Variants in MESP1 observed in about 807,000 individuals in gnomAD.
MESP1 encodes the protein mesoderm posterior bHLH transcription factor 1.
A neutral mutation model predicts 15.2 loss-of-function variants in MESP1; 22 were observed. The ratio of observed to expected loss-of-function variants is 1.45; its 90% CI spans 1.04 to 2.07. The LOEUF is 2.07. MESP1 is among the 30% of genes most tolerant of loss of function. The pLI, the probability that MESP1 is intolerant of heterozygous loss-of-function variation, is 0.00. For missense variants in MESP1, 484 were observed against 411.9 expected, an observed-to-expected ratio of 1.17 and a Z score of -1.51; for synonymous variants, 216 against 192.6, an observed-to-expected ratio of 1.12 and a Z score of -1.01.
chr15:89,736,117 G>A, the MESP1 span, among the ~76,000 whole-genome samples: 2 of 152,242 alleles, frequency 1.3e-5, no homozygotes, highest in Non-Finnish European at 2.9e-5. Flanking sequence ...CTCAAACAGA[G>A]AGGTCAGAGA....
the MESP1 span, chr15:89,733,367 T>C: frequency 1.3e-6 from 1 of 741,470 alleles, no homozygotes; most frequent in Non-Finnish European, 2.1e-6. Flanking sequence ...ATCACCAATG[T>C]CACATATATG....
the MESP1 span, among the ~76,000 whole-genome samples, chr15:89,744,436 G>T: frequency 9.8e-5 from 15 of 152,348 alleles, no homozygotes; most frequent in East Asian, 2.9e-3. Flanking sequence ...AGGTGCTCTG[G>T]CAGCTCTCTG....
chr15:89,739,382 T>C, the MESP1 span, among the ~76,000 whole-genome samples: 5 of 152,208 alleles, frequency 3.3e-5, no homozygotes, highest in Admixed American at 6.5e-5. Context: ...TGCCAACCCA[T>C]GATCTAAGAC....
At chr15:89,736,813 A>ATGC in the MESP1 span, among the ~76,000 whole-genome samples, 1 of 149,226 alleles carries the variant, frequency 6.7e-6, no homozygotes, top group Non-Finnish European at 1.5e-5. Context: ...TTTTTTTGAA[A>ATGC]CGGAGTCTCG....
At chr15:89,747,265 C>T (rs532996611), downstream of MESP1, among the ~76,000 whole-genome samples, 54 of 152,326 alleles carry the variant, frequency 3.5e-4, no homozygotes, top group Non-Finnish European at 5.1e-4. Flanking sequence ...GTTCCCTGTG[C>T]GTCAGCTTCT....
chr15:89,738,260 C>T, the MESP1 span: 5 of 1,558,388 alleles, frequency 3.2e-6, no homozygotes, highest in South Asian at 1.2e-5. Context: ...TGTCTTCACC[C>T]CCTCCCACAT....
At chr15:89,737,494 C>T in the MESP1 span, 2 of 1,564,804 alleles carry the variant, frequency 1.3e-6, no homozygotes, top group Non-Finnish European at 1.7e-6. Flanking sequence ...TCATTCCTTA[C>T]TGGGGTGACC....
At chr15:89,745,656 G>A (rs1007645775), downstream of MESP1, among the ~76,000 whole-genome samples, 23 of 152,064 alleles carry the variant, frequency 1.5e-4, no homozygotes, top group Non-Finnish European at 4.4e-5. This position sits in a 1 kb window ranked among gnomAD's most constrained non-coding sequence, Gnocchi z 4.8. Flanking sequence ...CCAGCTACTC[G>A]GGAAAGCTGA....
At chr15:89,738,842 C>T in the MESP1 span, among the ~76,000 whole-genome samples, 49 of 150,402 alleles carry the variant, frequency 3.3e-4, no homozygotes, top group East Asian at 9.5e-3. Context: ...AGGCCAGGCC[C>T]GGTGGCTCAT....
At chr15:89,733,364 A>G in the MESP1 span, 6 of 743,336 alleles carry the variant, frequency 8.1e-6, no homozygotes, top group Admixed American at 2.9e-5. Context: ...AAGATCACCA[A>G]TGTCACATAT....
chr15:89,750,980 C>T lies in MESP1; in HGVS notation c.252G>A (p.Arg84=), dbSNP rs781718438. The T allele has an allele frequency of 1.4e-6, 2 of 1,414,430 alleles. No homozygotes were observed. Among genetic ancestry groups the T allele is most frequent in the South Asian group, 1.5e-5 (1 of 66,954 alleles). 87.6% of individuals were successfully genotyped at this position (1,414,430 alleles called of 1,614,324 possible). ...ARSSRLGSGQ[R]QSASEREKLR... is the part of the protein sequence containing the mutation. ...GTTTCTCCCGCTCACTGGCGCTCTG[C>T]CTCTGCCCGCTGCCCAGGCGGCTGC... The change falls in exon 1 of 2, where the codon AGG becomes AGA. Residue 84 remains arginine, a synonymous_variant. Coordinates refer to ENST00000300057, the MANE Select transcript of MESP1 (RefSeq NM_018670.4).
chr15:89,737,824 T>C, the MESP1 span: 2 of 1,539,222 alleles, frequency 1.3e-6, no homozygotes, highest in Middle Eastern at 1.8e-4. Flanking sequence ...CTCCCCACTC[T>C]GTGTCCCCCT....
chr15:89,734,525 TA>T, the MESP1 span, among the ~76,000 whole-genome samples: 217 of 152,328 alleles, frequency 1.4e-3, 1 homozygote, highest in African/African-American at 5.0e-3. Flanking sequence ...TTACATTTGC[TA>T]ATGTCCCATT....
the MESP1 span, chr15:89,733,365 T>C: frequency 2.7e-6 from 2 of 745,862 alleles, no homozygotes; most frequent in South Asian, 3.8e-5. Context: ...AGATCACCAA[T>C]GTCACATATA....
chr15:89,739,630 C>T, the MESP1 span, among the ~76,000 whole-genome samples: 8 of 152,160 alleles, frequency 5.3e-5, no homozygotes, highest in African/African-American at 1.7e-4. Context: ...TGGGATCTGA[C>T]CACACATTTC....
At chr15:89,743,179 G>GT in the MESP1 span, 1 of 1,009,300 alleles carries the variant, frequency 9.9e-7, no homozygotes, top group Non-Finnish European at 1.5e-6. Context: ...CGATGCAGGT[G>GT]TGTCCTCTTA....
the MESP1 span, chr15:89,735,491 C>A: frequency 6.2e-7 from 1 of 1,614,080 alleles, no homozygotes; most frequent in South Asian, 1.1e-5. Flanking sequence ...GTCCTATAGG[C>A]CTGTAAAGCA....
the MESP1 span, among the ~76,000 whole-genome samples, chr15:89,739,246 C>T: frequency 1.1e-4 from 16 of 152,160 alleles, no homozygotes; most frequent in African/African-American, 2.7e-4. Context: ...TGAACACAGC[C>T]GTGCCCATTT....
the MESP1 span, among the ~76,000 whole-genome samples, chr15:89,740,484 GA>G: frequency 7.9e-5 from 12 of 152,114 alleles, no homozygotes; most frequent in African/African-American, 2.7e-4. Flanking sequence ...TCTTCACAGG[GA>G]GGGTTTTTGT....
Sources: gnomAD v4.1 joint callset for allele counts (sites outside exome capture counted in the v4.1 genomes callset) on GRCh38, gnomAD v4.1.1 for gene constraint, Gnocchi (gnomAD v3.1) non-coding constraint, MANE v1.5 for transcripts, NCBI Gene and HGNC (gene_info 2026-07-23, HGNC 2026-07-21) for gene names.